The following MYH8 variants were observed in gnomAD, a reference collection of about 807,000 sequenced individuals.
MYH8 encodes the protein myosin heavy chain 8, also known as myosin-8.
In MYH8, 168 loss-of-function variants were observed where a neutral mutation model predicts 233.2. The observed-to-expected ratio is 0.72, with a 90% confidence interval of 0.64 to 0.82. MYH8 has a LOEUF of 0.82. Among genes scored for constraint, MYH8 ranks in the 40% least tolerant of loss-of-function variants. The pLI is 0.00. For synonymous variants in MYH8, 785 were observed against 850.6 expected, an observed-to-expected ratio of 0.92 and a Z score of 1.34; for missense variants, 1,995 against 2,327.8, an observed-to-expected ratio of 0.86 and a Z score of 2.94.
chr17:10,405,461 G>A (rs191797205), intron 21 of MYH8, among the ~76,000 whole-genome samples: 4 of 152,166 alleles, frequency 2.6e-5, no homozygotes, highest in East Asian at 3.9e-4. Context: ...AAACCATAAC[G>A]TTCACACATG....
rs1339178369 is a variant in MYH8, at chr17:10,393,091, GA to G, written c.5285del (p.Ile1762ThrfsTer6). 4.3e-6 allele frequency: 7 copies of G among 1,614,118 alleles called. No individual in the cohort carries two copies. Among genetic ancestry groups the G allele is most frequent in the Non-Finnish European group, 5.9e-6 (7 of 1,180,052 alleles). ...GGCCAAATGTTCATCTTACATCAGT[GA>G]TGGCCTTCTTGGCTTTCTCTTCTGC... ...RNAEEKAKKA[I>X]TDAAMMAEEL... On this transcript the variant is annotated frameshift_variant, in exon 36 of 40. Transcript: ENST00000403437. LOFTEE classifies it high-confidence loss of function.
At chr17:10,421,186 C>G (rs2072336830) in intron 2 of MYH8, among the ~76,000 whole-genome samples, 1 of 151,994 alleles carries the variant, frequency 6.6e-6, no homozygotes, top group Non-Finnish European at 1.5e-5. Context: ...TATTTAACAC[C>G]CGGTGGATGT....
Position 10,401,691 on chromosome 17 carries a change from C to A in MYH8, c.2783G>T (p.Arg928Ile). Residue 928 changes from arginine to isoleucine, a missense_variant, in exon 23 of 40, where the codon AGA (arginine) becomes ATA (isoleucine). Around this residue, in one of 3 missense-constraint regions of MYH8, gnomAD observed 1,498 missense variants for 1,680.9 expected, o/e 0.89. Transcript: ENST00000403437. ...ATTGATCTCTTCCTCCTCCTCAGCT[C>A]TTTCAGTCACCTCTTTGATTTTGGC... Reference protein sequence around the residue: ...LEAKIKEVTERAEEEEEINAE... With the variant: ...LEAKIKEVTEIAEEEEEINAE... 6.2e-7 allele frequency: 1 copy of A among 1,614,102 alleles called. No homozygotes were observed. The highest frequency in any genetic ancestry group is 8.5e-7 in the Non-Finnish European group (1 of 1,180,032).
chr17:10,415,049 G>A lies in MYH8; in HGVS notation c.805+67C>T. Reference sequence around the variant, plus strand: ...ACAGGCTTCATGCACAGCAAGGGTGGCAAAATATCCCTGCAAATGAAATCA... The same window carrying A: ...ACAGGCTTCATGCACAGCAAGGGTGACAAAATATCCCTGCAAATGAAATCA... On this transcript the variant is annotated intron_variant, in intron 9 of 39. Coordinates refer to ENST00000403437, the MANE Select transcript of MYH8 (RefSeq NM_002472.3). The surrounding 1 kb of genome is among the most constrained non-coding windows in gnomAD (Gnocchi z 4.1). The A allele has an allele frequency of 6.8e-7, 1 of 1,477,662 alleles. No individual in the cohort carries two copies. The highest frequency in any genetic ancestry group is 9.5e-7 in the Non-Finnish European group (1 of 1,056,166). The allele number at this position is 1,477,662 out of a possible 1,614,324, so 91.5% of individuals were successfully genotyped here. A position where few individuals can be genotyped will look rare whatever the true frequency, so the allele number is the denominator to read the frequency against.
In MYH8 at chr17:10,400,526, G is replaced by T; in HGVS notation, c.3599C>A (p.Ala1200Glu). The T allele has an allele frequency of 6.2e-7, 1 of 1,614,146 alleles. No homozygotes were observed. Among genetic ancestry groups the T allele is most frequent in the Non-Finnish European group, 8.5e-7 (1 of 1,180,008 alleles). Reference sequence around the variant, plus strand: ...CTCCCCAAGCTCAGCCATACTGTCTGCGTGCTTCTTCCGAAGAGCAGCCAC... The same window carrying T: ...CTCCCCAAGCTCAGCCATACTGTCTTCGTGCTTCTTCCGAAGAGCAGCCAC... Reference protein sequence around the residue: ...AMVAALRKKHADSMAELGEQI... With the variant: ...AMVAALRKKHEDSMAELGEQI... Residue 1200 changes from alanine (A) to glutamate (E), a missense_variant, in exon 27 of 40, where the codon GCA becomes GAA. Coordinates refer to ENST00000403437, the MANE Select transcript of MYH8 (RefSeq NM_002472.3). This position sits in a 1 kb window ranked among gnomAD's most constrained non-coding sequence, Gnocchi z 4.0.
chr17:10,391,903 G>T lies in MYH8; in HGVS notation c.5643C>A (p.Tyr1881Ter), dbSNP rs367910491. The part of the protein sequence containing the change: ...VDKLQAKVKS[Y>*]KRQAEEAEEQ... The stretch of plus-strand genomic sequence containing the variant: ...TTACAGCCTCCTCAGCTTGTCTCTT[G>T]TATGATTTCACCTTCGCCTGTAATT... The change falls in exon 39 of 40, where the codon TAC becomes TAA. Residue 1881 changes from tyrosine (Y) to a stop codon, truncating the protein, a stop_gained. Coordinates refer to ENST00000403437, the MANE Select transcript of MYH8 (RefSeq NM_002472.3). LOFTEE classifies it high-confidence loss of function. 6.2e-7 allele frequency: 1 copy of T among 1,613,916 alleles called. No homozygotes were observed. The highest frequency in any genetic ancestry group is 2.2e-5 in the East Asian group (1 of 44,874).
In MYH8 at chr17:10,401,083, C is replaced by T. The variant is rs867392074; in HGVS notation, c.3217G>A (p.Glu1073Lys). 6.2e-7 allele frequency: 1 copy of T among 1,613,984 alleles called. No homozygotes were observed. Among genetic ancestry groups the T allele is most frequent in the African/African-American group, 1.3e-5 (1 of 75,036 alleles). ...KLAQESTMDM[E>K]NDKQQLDEKL... ...TCATCAAGTTGCTGTTTGTCATTTT[C>T]CATATCCATTGTGGATTCTTGGGCC... The change falls in exon 25 of 40, where the codon GAA (glutamate) becomes AAA (lysine). Residue 1073 changes from glutamate (E) to lysine (K), a missense_variant. Around this residue, in one of 3 missense-constraint regions of MYH8, gnomAD observed 1,498 missense variants for 1,680.9 expected, o/e 0.89. Transcript: ENST00000403437.
intron 33 of MYH8, 150 bp from the exon 34 acceptor site, chr17:10,395,591 TTTTG>T: frequency 1.2e-6 from 1 of 805,348 alleles, no homozygotes; most frequent in Non-Finnish European, 2.0e-6. Context: ...TAAATCATTA[TTTTG>T]TTTATTTAGT....
intron 24 of MYH8, 23 bp from the exon 25 acceptor site, chr17:10,401,214 A>G (rs765718310): frequency 6.2e-7 from 1 of 1,613,342 alleles, no homozygotes; most frequent in Non-Finnish European, 8.5e-7. Context: ...TAAATATGGT[A>G]AAAATTGAAA....
chr17:10,391,943 T>C lies in MYH8; in HGVS notation c.5603A>G (p.Gln1868Arg). ...CGCCTGTAATTTATCTACCAAGTCC[T>C]GCAGCCTGAGAACATTCTTGCGATC... is the stretch of plus-strand genomic sequence containing the variant. Reference protein sequence around the residue: ...EEDRKNVLRLQDLVDKLQAKV... With the variant: ...EEDRKNVLRLRDLVDKLQAKV... The change falls in exon 39 of 40, where the codon CAG (glutamine) becomes CGG (arginine). Residue 1868 changes from glutamine (Q) to arginine (R), a missense_variant. Gln to Arg is a conservative substitution (Grantham distance 43). Transcript: ENST00000403437. The C allele has an allele frequency of 6.2e-7, 1 of 1,614,204 alleles. No individual in the cohort carries two copies. Among genetic ancestry groups the C allele is most frequent in the Non-Finnish European group, 8.5e-7 (1 of 1,180,024 alleles).
In MYH8 at chr17:10,415,402, G is replaced by C; in HGVS notation, c.649-18C>G. ...AGAGTCCCCTGCAAAGGAAGGAGCAGTTCTCACATCTGGGACTCCAGATGT... is the reference window on the plus strand; with the variant it reads ...AGAGTCCCCTGCAAAGGAAGGAGCACTTCTCACATCTGGGACTCCAGATGT... On this transcript the variant is annotated intron_variant, in intron 7 of 39. Coordinates refer to ENST00000403437, the MANE Select transcript of MYH8 (RefSeq NM_002472.3). This position sits in a 1 kb window ranked among gnomAD's most constrained non-coding sequence, Gnocchi z 4.1. 1 of 1,613,866 alleles carries C rather than the reference G, an allele frequency of 6.2e-7. No individual in the cohort carries two copies. The highest frequency in any genetic ancestry group is 8.5e-7 in the Non-Finnish European group (1 of 1,179,738).
chr17:10,407,933 A>C (rs1367587295), intron 17 of MYH8, among the ~76,000 whole-genome samples: 1 of 151,744 alleles, frequency 6.6e-6, no homozygotes, highest in Non-Finnish European at 1.5e-5. Context: ...ATATACTCTT[A>C]AGAAGGCAGA....
Position 10,404,372 on chromosome 17 carries a change from A to C in MYH8, c.2646T>G (p.Thr882=). ...KRKELEEKMV[T]LLKEKNDLQL... is the part of the protein sequence containing the mutation. ...GCAGGTCATTTTTCTCTTTTAAGAGAGTGACCATTTTTTCCTCTAGCTCCT... is the reference window on the plus strand; with the variant it reads ...GCAGGTCATTTTTCTCTTTTAAGAGCGTGACCATTTTTTCCTCTAGCTCCT... Residue 882 remains threonine (T), a synonymous_variant, in exon 22 of 40, where the codon ACT becomes ACG. Transcript: ENST00000403437. The C allele has an allele frequency of 6.2e-7, 1 of 1,614,006 alleles. No homozygotes were observed. Among genetic ancestry groups the C allele is most frequent in the Non-Finnish European group, 8.5e-7 (1 of 1,179,952 alleles).
chr17:10,421,227 TAA>T (rs1337100880), intron 2 of MYH8, among the ~76,000 whole-genome samples: 1 of 152,200 alleles, frequency 6.6e-6, no homozygotes, highest in African/African-American at 2.4e-5. Flanking sequence ...TAAATAATAA[TAA>T]GTCTTTCTAA....
At chr17:10,395,775 G>A (rs1273139600) in intron 33 of MYH8, among the ~76,000 whole-genome samples, 1 of 151,982 alleles carries the variant, frequency 6.6e-6, no homozygotes, top group Non-Finnish European at 1.5e-5. Context: ...CCCTGACCTA[G>A]AAACTATCAG....
intron 15 of MYH8, 111 bp downstream of exon 15, chr17:10,410,666 A>T: frequency 6.5e-7 from 1 of 1,530,758 alleles, no homozygotes; most frequent in Non-Finnish European, 9.1e-7. Flanking sequence ...GTAATTTTCC[A>T]GTTTGTTCAG....
Position 10,404,353 on chromosome 17 carries a change from C to A in MYH8, c.2665G>T (p.Asp889Tyr). ...KMVTLLKEKNDLQLQVQSEAD... is the reference protein window; with the variant it reads ...KMVTLLKEKNYLQLQVQSEAD... ...ACAGATTGAACCTGGAGTTGCAGGT[C>A]ATTTTTCTCTTTTAAGAGAGTGACC... The change falls in exon 22 of 40, where the codon GAC (aspartate) becomes TAC (tyrosine). Residue 889 changes from aspartate (D) to tyrosine (Y), a missense_variant. Physicochemically the swap from Asp to Tyr is radical, Grantham distance 160. Around this residue, in one of 3 missense-constraint regions of MYH8, gnomAD observed 1,498 missense variants for 1,680.9 expected, o/e 0.89. Coordinates refer to ENST00000403437, the MANE Select transcript of MYH8 (RefSeq NM_002472.3). The A allele has an allele frequency of 6.2e-7, 1 of 1,613,890 alleles. No individual in the cohort carries two copies. The highest frequency in any genetic ancestry group is 1.3e-5 in the African/African-American group (1 of 75,006).
intron 14 of MYH8, 80 bp from the exon 15 acceptor site, chr17:10,411,027 G>GA (rs1358853997): frequency 6.2e-7 from 1 of 1,603,546 alleles, no homozygotes; most frequent in Non-Finnish European, 8.5e-7. Context: ...TTCTTTTATT[G>GA]AAAAAATGTG....
Position 10,414,450 on chromosome 17 carries a change from T to C in MYH8, c.840A>G (p.Leu280=), listed in dbSNP as rs763682269. The C allele has an allele frequency of 7.3e-5, 118 of 1,613,166 alleles. No individual in the cohort carries two copies. Among genetic ancestry groups the C allele is most frequent in the Non-Finnish European group, 9.4e-5 (111 of 1,179,330 alleles). Residue 280 remains leucine, a synonymous_variant, in exon 10 of 40, where the codon CTA becomes CTG. Transcript: ENST00000403437. ...AAATATGGTAGCTTCTTTCCGCCTT[T>C]AGCTGGAAAGTAACTCTGGACTTTT... ...LLEKSRVTFQ[L]KAERSYHIFY...
Sources: gnomAD v4.1 joint callset for allele counts (sites outside exome capture counted in the v4.1 genomes callset) on GRCh38, gnomAD v4.1.1 for gene constraint, gnomAD v4.1.1 regional missense constraint, Gnocchi (gnomAD v3.1) non-coding constraint, MANE v1.5 for transcripts, NCBI Gene and HGNC (gene_info 2026-07-23, HGNC 2026-07-21) for gene names.